The following PIGU variants were observed in gnomAD, a reference collection of about 807,000 sequenced individuals.
The protein encoded by PIGU is GPI-anchor transamidase component PIGU.
PIGU carries 24 observed loss-of-function variants against 49.9 expected under a neutral mutation model. That is an observed-to-expected ratio of 0.48 (90% CI 0.35 to 0.68). The LOEUF (loss-of-function observed/expected upper bound fraction) is 0.68, where lower values mean the gene tolerates loss of function less well. PIGU is among the 30% of genes least tolerant of loss of function. The probability of loss-of-function intolerance (pLI) is 0.01; values close to 1 mark genes in which losing one functional copy is unlikely to be tolerated. For missense variants in PIGU, 490 were observed against 532.6 expected (o/e 0.92, Z 0.79); for synonymous variants, 220 against 205.7 (o/e 1.07, Z -0.59).
chr20:34,569,240 T>G (rs907432263), intron 11 of PIGU, among the ~76,000 whole-genome samples: 4 of 152,036 alleles, frequency 2.6e-5, no homozygotes, highest in African/African-American at 9.7e-5. Context: ...TAAAAAAAAT[T>G]TTTTTGAGAT....
intron 2 of PIGU, among the ~76,000 whole-genome samples, chr20:34,647,149 T>A (rs1294678668): frequency 1.3e-5 from 2 of 150,696 alleles, no homozygotes; most frequent in Middle Eastern, 3.2e-3. Context: ...TTTTGTATTT[T>A]TAGTAGAGAT....
At chr20:34,593,477 A>G (rs1219964979) in intron 7 of PIGU, among the ~76,000 whole-genome samples, 1 of 152,250 alleles carries the variant, frequency 6.6e-6, no homozygotes, top group Non-Finnish European at 1.5e-5. Context: ...ACACTGAAAT[A>G]TAAAACCTCT....
intron 6 of PIGU, among the ~76,000 whole-genome samples, chr20:34,623,806 T>G (rs1985345083): frequency 6.6e-6 from 1 of 152,198 alleles, no homozygotes. Flanking sequence ...CTGCATGATT[T>G]GCTCAAGGCT....
chr20:34,572,401 C>A (rs1016355476), intron 11 of PIGU, among the ~76,000 whole-genome samples: 5 of 151,898 alleles, frequency 3.3e-5, no homozygotes, highest in African/African-American at 1.2e-4. Context: ...AATCGCAGCA[C>A]TTTGGGAGGT....
At chr20:34,668,772 A>T (rs1250216260) in intron 1 of PIGU, among the ~76,000 whole-genome samples, 1 of 151,132 alleles carries the variant, frequency 6.6e-6, no homozygotes, top group South Asian at 2.1e-4. Context: ...CTGACTCAAA[A>T]AAATAAATAA....
intron 6 of PIGU, among the ~76,000 whole-genome samples, chr20:34,633,993 G>A (rs1316647044): frequency 6.6e-6 from 1 of 152,212 alleles, no homozygotes; most frequent in Non-Finnish European, 1.5e-5. Flanking sequence ...AAGCCAGAAA[G>A]TAGTTGCTTC....
Position 34,645,353 on chromosome 20 carries a change from CATG to C in PIGU, c.196-22_196-20del. On this transcript the variant is annotated intron_variant, in intron 2 of 11. Transcript: ENST00000217446. ...ATGGAGTCTGCAGAAAAAAAACAGACATGTAAAAAAAATTAAGTTAAACCTTAC... is the reference window on the plus strand; with the variant it reads ...ATGGAGTCTGCAGAAAAAAAACAGACTAAAAAAAATTAAGTTAAACCTTAC... 6.4e-7 allele frequency: 1 copy of C among 1,550,924 alleles called. No homozygotes were observed.
At chr20:34,672,262 G>A (rs1384944314) in intron 1 of PIGU, among the ~76,000 whole-genome samples, 1 of 152,122 alleles carries the variant, frequency 6.6e-6, no homozygotes, top group African/African-American at 2.4e-5. Context: ...ATGTATTTTA[G>A]TTACACTATC....
rs188576477 is a variant in PIGU at position 34,607,054 on chromosome 20, C to T, written c.627+8988G>A. Among the ~76,000 whole-genome samples, 76 of 152,302 alleles carry T rather than the reference C, an allele frequency of 5.0e-4. 1 individual carries two copies. The highest frequency in any genetic ancestry group is 8.2e-4 in the Non-Finnish European group (56 of 68,022). On this transcript the variant is annotated intron_variant, in intron 7 of 11. Transcript: ENST00000217446. ...GATTACAGGCGTGAGCCACCATGCC[C>T]GGCCATAAATATGTATTTTTCCCTT...
chr20:34,561,430 G>A (rs1043033942), intron 11 of PIGU, among the ~76,000 whole-genome samples: 3 of 151,922 alleles, frequency 2.0e-5, no homozygotes, highest in South Asian at 2.1e-4. Context: ...CTCATACATC[G>A]AGCCACCATG....
intron 2 of PIGU, among the ~76,000 whole-genome samples, chr20:34,650,316 G>A (rs1244466123): frequency 1.3e-5 from 2 of 151,808 alleles, no homozygotes; most frequent in South Asian, 2.1e-4. Flanking sequence ...TGTCACCCAG[G>A]CTGGAGGGCA....
chr20:34,652,985 T>C (rs1010470276), intron 2 of PIGU, among the ~76,000 whole-genome samples: 2 of 151,914 alleles, frequency 1.3e-5, no homozygotes, highest in Non-Finnish European at 2.9e-5. Context: ...TTTTTTTTTT[T>C]TTTTTGAGAT....
At chr20:34,659,614 G>A (rs1327290312) in intron 1 of PIGU, among the ~76,000 whole-genome samples, 2 of 152,358 alleles carry the variant, frequency 1.3e-5, no homozygotes, top group Middle Eastern at 3.4e-3. Flanking sequence ...TAGAAAGGGG[G>A]GAAAGGTGGG....
Position 34,644,648 on chromosome 20 carries a change from T to C in PIGU, c.256-422A>G, listed in dbSNP as rs921153912. 2.6e-5 allele frequency among the ~76,000 whole-genome samples: 4 copies of C among 152,150 alleles called. No individual in the cohort carries two copies. In the East Asian group the frequency reaches 7.7e-4, roughly 29 times the overall value. ...GGTATTTCTTGACTCAAATTTTCAA[T>C]CCCAGACAAGTGTTTCAAATTGCTA... is the stretch of plus-strand genomic sequence containing the variant. On this transcript the variant is annotated intron_variant, in intron 3 of 11. Transcript: ENST00000217446.
At chr20:34,593,274 G>A (rs1217942082) in intron 7 of PIGU, among the ~76,000 whole-genome samples, 1 of 151,906 alleles carries the variant, frequency 6.6e-6, no homozygotes, top group East Asian at 1.9e-4. Context: ...GAAGGGAAGT[G>A]AAGGTTGCAG....
intron 4 of PIGU, among the ~76,000 whole-genome samples, chr20:34,641,332 G>T (rs970849122): frequency 2.0e-5 from 3 of 152,154 alleles, no homozygotes; most frequent in African/African-American, 7.2e-5. Context: ...CTCTCCAACT[G>T]TTAGCCTCAG....
At chr20:34,565,454 G>A (rs1244564087) in intron 11 of PIGU, among the ~76,000 whole-genome samples, 2 of 151,878 alleles carry the variant, frequency 1.3e-5, no homozygotes, top group Admixed American at 1.3e-4. Context: ...TAGAGACGGG[G>A]TTTCACCATG....
Position 34,581,654 on chromosome 20 carries a change from G to A in PIGU, c.945C>T (p.Phe315=), listed in dbSNP as rs761887986. 3 of 1,613,462 alleles carry A rather than the reference G, an allele frequency of 1.9e-6. No individual in the cohort carries two copies. Among genetic ancestry groups the A allele is most frequent in the Non-Finnish European group, 2.5e-6 (3 of 1,179,900 alleles). Residue 315 remains phenylalanine, a synonymous_variant, in exon 10 of 12, where the codon TTC becomes TTT. Coordinates refer to ENST00000217446, the MANE Select transcript of PIGU (RefSeq NM_080476.5). ...AIKLKEHPIF[F]MFIQIAVIAI... ...CGATGACAGCGATCTGGATAAACAT[G>A]AAGAAGATGGGGTGCTCCCTGGGGC...
chr20:34,676,091 C>T (rs1052398891), intron 1 of PIGU, among the ~76,000 whole-genome samples: 2 of 151,038 alleles, frequency 1.3e-5, no homozygotes, highest in African/African-American at 2.4e-5. Flanking sequence ...ACCTAGCTTC[C>T]ACCCCATTAC....
Sources: gnomAD v4.1 joint callset for allele counts (sites outside exome capture counted in the v4.1 genomes callset) on GRCh38, gnomAD v4.1.1 for gene constraint, MANE v1.5 for transcripts, NCBI Gene and HGNC (gene_info 2026-07-23, HGNC 2026-07-21) for gene names.